KCNK3: variants seen among roughly 807,000 people sequenced by gnomAD.
The protein encoded by KCNK3 is potassium channel subfamily K member 3.
In KCNK3, 9 loss-of-function variants were observed where a neutral mutation model predicts 27.3. That is an observed-to-expected ratio of 0.33 (90% CI 0.20 to 0.57). The LOEUF is 0.57. Ranked by LOEUF, KCNK3 falls within the 20% of genes least tolerant of loss-of-function variation. The pLI, the probability that KCNK3 is intolerant of heterozygous loss-of-function variation, is 0.87. For missense variants in KCNK3, 391 were observed against 577.7 expected (o/e 0.68, Z 3.31); for synonymous variants, 278 against 273.8 (o/e 1.02, Z -0.15).
chr2:26,698,628 C>T (rs1429459326), intron 1 of KCNK3, among the ~76,000 whole-genome samples: 4 of 152,298 alleles, frequency 2.6e-5, no homozygotes, highest in South Asian at 2.1e-4. Context: ...ACCATGACCA[C>T]GGCTACTTCT....
At chr2:26,722,717 G>T (rs1166492346) in intron 1 of KCNK3, among the ~76,000 whole-genome samples, 1 of 152,182 alleles carries the variant, frequency 6.6e-6, no homozygotes, top group African/African-American at 2.4e-5. Flanking sequence ...ATTTTGATGG[G>T]GAAAGAAATT....
intron 1 of KCNK3, among the ~76,000 whole-genome samples, chr2:26,694,457 A>T (rs1477359922): frequency 6.6e-6 from 1 of 152,170 alleles, no homozygotes; most frequent in African/African-American, 2.4e-5. Context: ...AAAAGGCAGG[A>T]CTAGACACTC....
rs535512599 is a variant in KCNK3 at position 26,695,808 on chromosome 2, G to A, written c.283+2650G>A. Among the ~76,000 whole-genome samples, 12 of 152,318 alleles carry A rather than the reference G, an allele frequency of 7.9e-5. No individual in the cohort carries two copies. In the South Asian group the frequency reaches 1.2e-3, roughly 16 times the overall value. On this transcript the variant is annotated intron_variant, in intron 1 of 1. Coordinates refer to ENST00000302909, the MANE Select transcript of KCNK3 (RefSeq NM_002246.3). Reference sequence around the variant, plus strand: ...ATGGGGGGAGAGGCAGACAGAGTGCGGTTCTGGTGATTATTTATTTATAAA... The same window carrying A: ...ATGGGGGGAGAGGCAGACAGAGTGCAGTTCTGGTGATTATTTATTTATAAA...
In KCNK3 at chr2:26,693,042, A is replaced by T. The variant is rs1336188397; in HGVS notation, c.167A>T (p.Gln56Leu). The T allele has an allele frequency of 6.3e-7, 1 of 1,598,964 alleles. No homozygotes were observed. The highest frequency in any genetic ancestry group is 1.7e-5 in the Admixed American group (1 of 59,320). Residue 56 changes from glutamine to leucine, a missense_variant, in exon 1 of 2, where the codon CAG becomes CTG. By Grantham distance (113) the Gln-to-Leu change is moderately radical (BLOSUM62 -2). This residue lies in a region of KCNK3 where 158 missense variants were observed against 267.7 expected (regional missense o/e 0.59). Coordinates refer to ENST00000302909, the MANE Select transcript of KCNK3 (RefSeq NM_002246.3). This position sits in a 1 kb window ranked among gnomAD's most constrained non-coding sequence, Gnocchi z 5.5. ...CTGCGGGCGCGCTACAACCTCAGCC[A>T]GGGCGGCTACGAGGAGCTGGAGCGC... ...QELRARYNLS[Q>L]GGYEELERVV... is the part of the protein sequence containing the mutation.
chr2:26,728,424 G>C lies in KCNK3; in HGVS notation c.1041G>C (p.Pro347=). 1 of 1,592,530 alleles carries C rather than the reference G, an allele frequency of 6.3e-7. No homozygotes were observed. The highest frequency in any genetic ancestry group is 8.6e-7 in the Non-Finnish European group (1 of 1,166,430). Residue 347 remains proline (P), a synonymous_variant, in exon 2 of 2, where the codon CCG becomes CCC. Transcript: ENST00000302909. ...DTCVEQSHSS[P]GGGGRYSDTP... is the part of the protein sequence containing the mutation. ...GCGTGGAGCAGAGCCACTCGTCGCC[G>C]GGAGGGGGCGGCCGCTACAGCGACA...
intron 1 of KCNK3, among the ~76,000 whole-genome samples, chr2:26,695,380 C>T (rs1558593317): frequency 6.6e-6 from 1 of 152,150 alleles, no homozygotes; most frequent in Non-Finnish European, 1.5e-5. Flanking sequence ...AGCCACTGCG[C>T]CTGGCTCTAC....
In KCNK3 at chr2:26,732,635, G is replaced by A. The variant is rs887103436; in HGVS notation, c.*4067G>A. On this transcript the variant is annotated 3_prime_UTR_variant, in exon 2 of 2. Coordinates refer to ENST00000302909, the MANE Select transcript of KCNK3 (RefSeq NM_002246.3). ...CTCCTTGTTGGCCTGCAGCCCTCAG[G>A]GGGCTTAGTTGCCATTGACTCACCC... 40 of 152,376 alleles carry A rather than the reference G, an allele frequency of 2.6e-4. No homozygotes were observed. Among genetic ancestry groups the A allele is most frequent in the African/African-American group, 9.4e-4 (39 of 41,566 alleles). 9.4% of individuals were successfully genotyped at this position (152,376 alleles called of 1,614,324 possible). A position where few individuals can be genotyped will look rare whatever the true frequency, so the allele number is the denominator to read the frequency against.
rs537217401 is a variant in KCNK3 at position 26,730,888 on chromosome 2, G to A, written c.*2320G>A. ...AGGTGGGGAAGGGTGCAGAATGGCC[G>A]TGGGGCACAGCGTGGCAGACTGTTC... On this transcript the variant is annotated 3_prime_UTR_variant, in exon 2 of 2. Coordinates refer to ENST00000302909, the MANE Select transcript of KCNK3 (RefSeq NM_002246.3). 37 of 153,114 alleles carry A rather than the reference G, an allele frequency of 2.4e-4. No homozygotes were observed. Among genetic ancestry groups the A allele is most frequent in the East Asian group, 7.7e-4 (4 of 5,214 alleles). The allele number at this position is 153,114 out of a possible 1,614,324, so 9.5% of individuals were successfully genotyped here.
At position 26,728,731 on chromosome 2, in the gene KCNK3, C is replaced by A; in HGVS notation, c.*163C>A. ...TCCGACTGTGCCTGCTTGCACCAGC[C>A]GGCAGGAGGCCGGGCTCTGAGGACC... is the stretch of plus-strand genomic sequence containing the variant. On this transcript the variant is annotated 3_prime_UTR_variant, in exon 2 of 2. Coordinates refer to ENST00000302909, the MANE Select transcript of KCNK3 (RefSeq NM_002246.3). The A allele has an allele frequency of 1.7e-6, 1 of 575,638 alleles. No individual in the cohort carries two copies. Among genetic ancestry groups the A allele is most frequent in the Non-Finnish European group, 2.6e-6 (1 of 381,738 alleles). The allele number at this position is 575,638 out of a possible 1,614,324, so 35.7% of individuals were successfully genotyped here.
intron 1 of KCNK3, among the ~76,000 whole-genome samples, chr2:26,708,447 G>A (rs1670402283): frequency 6.6e-6 from 1 of 152,190 alleles, no homozygotes; most frequent in South Asian, 2.1e-4. Flanking sequence ...GCTGAGGCAG[G>A]AGGATCACCT....
intron 1 of KCNK3, among the ~76,000 whole-genome samples, chr2:26,714,202 G>T (rs564849463): frequency 2.6e-5 from 4 of 151,908 alleles, no homozygotes; most frequent in African/African-American, 7.3e-5. Context: ...TCTTCTAACC[G>T]CAAGGTCACC....
At chr2:26,714,533 G>GGA (rs1212253397) in intron 1 of KCNK3, among the ~76,000 whole-genome samples, 1 of 149,974 alleles carries the variant, frequency 6.7e-6, no homozygotes, top group African/African-American at 2.5e-5. Context: ...AAGCAGAGCT[G>GGA]GAGAGAGCAC....
At chr2:26,699,439 G>A (rs912811028) in intron 1 of KCNK3, among the ~76,000 whole-genome samples, 1 of 152,170 alleles carries the variant, frequency 6.6e-6, no homozygotes, top group African/African-American at 2.4e-5. Context: ...CCTGGCCACA[G>A]TGGGGACAGG....
intron 1 of KCNK3, among the ~76,000 whole-genome samples, chr2:26,701,298 C>G (rs1670305115): frequency 1.3e-5 from 2 of 152,246 alleles, no homozygotes; most frequent in Non-Finnish European, 2.9e-5. Flanking sequence ...AATGCTATGT[C>G]TTGCCCCATA....
intron 1 of KCNK3, chr2:26,724,699 C>T (rs1190324789): frequency 1.3e-6 from 1 of 774,634 alleles, no homozygotes; most frequent in East Asian, 1.3e-4. Flanking sequence ...GCATGAGGTG[C>T]TGCCTGGGAT....
In KCNK3 at chr2:26,732,418, G is replaced by T. The variant is rs963189944; in HGVS notation, c.*3850G>T. 1 of 152,212 alleles carries T rather than the reference G, an allele frequency of 6.6e-6. No individual in the cohort carries two copies. Among genetic ancestry groups the T allele is most frequent in the Non-Finnish European group, 1.5e-5 (1 of 68,040 alleles). The allele number at this position is 152,212 out of a possible 1,614,324, so 9.4% of individuals were successfully genotyped here. A position where few individuals can be genotyped will look rare whatever the true frequency, so the allele number is the denominator to read the frequency against. On this transcript the variant is annotated 3_prime_UTR_variant, in exon 2 of 2. Transcript: ENST00000302909. ...GATTGAAATATACTGGAGAAATAAAGAGAGTGGGAGTAGGGACACTTTCTC... is the reference window on the plus strand; with the variant it reads ...GATTGAAATATACTGGAGAAATAAATAGAGTGGGAGTAGGGACACTTTCTC...
At chr2:26,694,203 G>A (rs1402641839) in intron 1 of KCNK3, among the ~76,000 whole-genome samples, 2 of 152,164 alleles carry the variant, frequency 1.3e-5, no homozygotes, top group African/African-American at 2.4e-5. Flanking sequence ...ACAAGGAGGG[G>A]TGGCCAAAAT....
chr2:26,716,101 C>G (rs528733811), intron 1 of KCNK3, among the ~76,000 whole-genome samples: 1 of 152,312 alleles, frequency 6.6e-6, no homozygotes, highest in East Asian at 1.9e-4. Flanking sequence ...TAGAACCACA[C>G]CCCAGGTCTT....
chr2:26,702,765 T>A (rs1429404838), intron 1 of KCNK3, among the ~76,000 whole-genome samples: 1 of 152,042 alleles, frequency 6.6e-6, no homozygotes, highest in Non-Finnish European at 1.5e-5. Flanking sequence ...GGAATTGGTG[T>A]ATAGGCTGGT....
Sources: gnomAD v4.1 joint callset for allele counts (sites outside exome capture counted in the v4.1 genomes callset) on GRCh38, gnomAD v4.1.1 for gene constraint, gnomAD v4.1.1 regional missense constraint, Gnocchi (gnomAD v3.1) non-coding constraint, MANE v1.5 for transcripts, NCBI Gene and HGNC (gene_info 2026-07-23, HGNC 2026-07-21) for gene names.